EIF4G3: variants seen among roughly 807,000 people sequenced by gnomAD.
EIF4G3 encodes the protein eukaryotic translation initiation factor 4 gamma 3, also known as eIF-4-gamma 3.
Under a neutral mutation model 186.4 loss-of-function variants are expected in EIF4G3, and 34 were observed. The ratio of observed to expected loss-of-function variants is 0.18; its 90% CI spans 0.14 to 0.24. The LOEUF is 0.24. Among genes scored for constraint, EIF4G3 ranks in the 10% least tolerant of loss-of-function variants. EIF4G3 has a pLI of 1.00. For synonymous variants in EIF4G3, 673 were observed against 679.5 expected (o/e 0.99, Z 0.15); for missense variants, 1,536 against 1,948.5 (o/e 0.79, Z 3.99).
chr1:21,049,428 G>A (rs1321748662), intron 4 of EIF4G3, among the ~76,000 whole-genome samples: 1 of 152,100 alleles, frequency 6.6e-6, no homozygotes, highest in East Asian at 1.9e-4. Flanking sequence ...GAGAGGTTGT[G>A]TTCAGTCTAA....
chr1:21,101,114 T>TA (rs1298524709), intron 2 of EIF4G3, among the ~76,000 whole-genome samples: 1 of 152,036 alleles, frequency 6.6e-6, no homozygotes, highest in Non-Finnish European at 1.5e-5. Context: ...TATTTTCAGA[T>TA]AAAAAAGAGA....
intron 3 of EIF4G3, among the ~76,000 whole-genome samples, chr1:21,071,724 T>C (rs1384513072): frequency 6.6e-6 from 1 of 151,306 alleles, no homozygotes; most frequent in Non-Finnish European, 1.5e-5. Flanking sequence ...GAGAATCGCT[T>C]GAACCCAGGA....
chr1:20,878,814 G>A (rs2081545801), intron 20 of EIF4G3, among the ~76,000 whole-genome samples: 1 of 152,190 alleles, frequency 6.6e-6, no homozygotes, highest in South Asian at 2.1e-4. Flanking sequence ...ACAGGCTGTG[G>A]AGATTAAATG....
intron 4 of EIF4G3, among the ~76,000 whole-genome samples, chr1:21,024,391 G>A (rs550342017): frequency 1.3e-5 from 2 of 152,314 alleles, no homozygotes; most frequent in South Asian, 2.1e-4. Context: ...TGGGAGGTGT[G>A]CCCAACAGCT....
At chr1:20,864,442 C>T (rs1488302427) in intron 22 of EIF4G3, 34 bp downstream of exon 22, 4 of 1,525,544 alleles carry the variant, frequency 2.6e-6, no homozygotes, top group African/African-American at 2.7e-5. Context: ...GACAAGGAGC[C>T]TTTGCGAAGG....
At chr1:20,908,310 GT>G (rs1333388800) in intron 14 of EIF4G3, among the ~76,000 whole-genome samples, 1 of 151,874 alleles carries the variant, frequency 6.6e-6, no homozygotes, top group Non-Finnish European at 1.5e-5. Flanking sequence ...AGATGAGTAG[GT>G]TGATTTTTGC....
chr1:20,903,485 C>T (rs2091099676), intron 15 of EIF4G3, among the ~76,000 whole-genome samples: 1 of 152,128 alleles, frequency 6.6e-6, no homozygotes, highest in Non-Finnish European at 1.5e-5. Context: ...TCTTAACAGC[C>T]ACAGCAGGAA....
intron 3 of EIF4G3, among the ~76,000 whole-genome samples, chr1:21,072,289 T>C (rs2095465165): frequency 6.6e-6 from 1 of 152,184 alleles, no homozygotes; most frequent in South Asian, 2.1e-4. Context: ...ATCCCAACAC[T>C]TTGGGAGGCC....
intron 7 of EIF4G3, among the ~76,000 whole-genome samples, chr1:20,983,006 C>T (rs557903570): frequency 3.3e-5 from 5 of 152,246 alleles, no homozygotes; most frequent in Non-Finnish European, 7.4e-5. Flanking sequence ...GCAAAATATT[C>T]GTTGCTATCA....
intron 32 of EIF4G3, among the ~76,000 whole-genome samples, chr1:20,825,820 T>G (rs1282558158): frequency 2.0e-5 from 3 of 152,134 alleles, no homozygotes; most frequent in African/African-American, 7.2e-5. Context: ...GAACCAGGAA[T>G]GAGAAGTGTT....
intron 18 of EIF4G3, 184 bp downstream of exon 18, chr1:20,893,333 G>C: frequency 1.8e-6 from 1 of 565,866 alleles, no homozygotes; most frequent in Non-Finnish European, 2.7e-6. Context: ...CTTCTGCCAA[G>C]TAAAAAGAAC....
intron 26 of EIF4G3, 67 bp downstream of exon 26, chr1:20,854,911 G>T: frequency 7.6e-7 from 1 of 1,309,808 alleles, no homozygotes; most frequent in Non-Finnish European, 1.1e-6. Context: ...CGATGACTAT[G>T]GGAATGCGCT....
chr1:21,115,713 T>C (rs1008228661), intron 2 of EIF4G3, among the ~76,000 whole-genome samples: 1 of 152,078 alleles, frequency 6.6e-6, no homozygotes, highest in African/African-American at 2.4e-5. Flanking sequence ...TAATTTGTTG[T>C]TGTTGTTGTT....
At chr1:21,024,200 C>T (rs2091591813) in intron 4 of EIF4G3, among the ~76,000 whole-genome samples, 1 of 151,706 alleles carries the variant, frequency 6.6e-6, no homozygotes, top group African/African-American at 2.4e-5. Context: ...GGCCAGCCGC[C>T]CCATCCGGGA....
chr1:20,927,582 A>G (rs2095001487), intron 14 of EIF4G3, among the ~76,000 whole-genome samples: 1 of 152,244 alleles, frequency 6.6e-6, no homozygotes, highest in African/African-American at 2.4e-5. Context: ...GGGATTGAAC[A>G]GATGGGTGAA....
chr1:21,016,874 C>G (rs971936864), intron 4 of EIF4G3, among the ~76,000 whole-genome samples: 2 of 151,454 alleles, frequency 1.3e-5, no homozygotes, highest in African/African-American at 4.9e-5. Flanking sequence ...GGGCCTGAGA[C>G]AGGAGAATCA....
At chr1:20,853,508 C>T (rs1326197021) in intron 27 of EIF4G3, 52 bp downstream of exon 27, 5 of 1,186,764 alleles carry the variant, frequency 4.2e-6, no homozygotes, top group African/African-American at 3.0e-5. Flanking sequence ...TCTTGCCACA[C>T]ATACTGGCAA....
chr1:20,959,633 A>G (rs1400593732), intron 12 of EIF4G3, among the ~76,000 whole-genome samples: 1 of 149,076 alleles, frequency 6.7e-6, no homozygotes, highest in African/African-American at 2.5e-5. Flanking sequence ...AAGGAAATCT[A>G]CAAGGAACTC....
At chr1:21,008,841 G>GA (rs1193468300) in intron 4 of EIF4G3, among the ~76,000 whole-genome samples, 2 of 152,068 alleles carry the variant, frequency 1.3e-5, no homozygotes, top group African/African-American at 4.8e-5. Flanking sequence ...CAAATTAATA[G>GA]AAAAATACCA....
Sources: allele counts gnomAD v4.1 joint callset (sites outside exome capture counted in the v4.1 genomes callset), GRCh38; gene constraint gnomAD v4.1.1; transcripts MANE v1.5; gene names NCBI Gene and HGNC (gene_info 2026-07-23, HGNC 2026-07-21).